CSMD3: variants seen among roughly 807,000 people sequenced by gnomAD.
CSMD3 encodes the protein CUB and sushi domain-containing protein 3.
A neutral mutation model predicts 435.2 loss-of-function variants in CSMD3; 177 were observed. That is an observed-to-expected ratio of 0.41 (90% confidence interval 0.36 to 0.46). The LOEUF (loss-of-function observed/expected upper bound fraction) is 0.46. Among genes scored for constraint, CSMD3 ranks in the 20% least tolerant of loss-of-function variants. The pLI is 0.34. For missense variants in CSMD3, 4,265 were observed against 4,504.6 expected, an observed-to-expected ratio of 0.95 and a Z score of 1.52; for synonymous variants, 1,656 against 1,520.5, an observed-to-expected ratio of 1.09 and a Z score of -2.07.
intron 61 of CSMD3, among the ~76,000 whole-genome samples, chr8:112,262,109 G>T (rs899773527): frequency 8.5e-5 from 13 of 152,082 alleles, no homozygotes; most frequent in African/African-American, 3.1e-4. Context: ...AGGTCATTTA[G>T]ATAGATTCTA....
intron 22 of CSMD3, among the ~76,000 whole-genome samples, chr8:112,611,212 C>T (rs1345784591): frequency 6.6e-6 from 1 of 152,166 alleles, no homozygotes; most frequent in Non-Finnish European, 1.5e-5. Flanking sequence ...CTTGACTTTA[C>T]ATCTGTGAAT....
intron 1 of CSMD3, among the ~76,000 whole-genome samples, chr8:113,372,489 TTA>T (rs1361844885): frequency 6.6e-6 from 1 of 152,166 alleles, no homozygotes; most frequent in Non-Finnish European, 1.5e-5. Flanking sequence ...CCTGAGTTTT[TTA>T]TGTCCTGATT....
intron 38 of CSMD3, among the ~76,000 whole-genome samples, chr8:112,377,060 A>G (rs1829012250): frequency 6.6e-6 from 1 of 152,062 alleles, no homozygotes; most frequent in African/African-American, 2.4e-5. Flanking sequence ...AATTTGGGAG[A>G]TGAATGTACA....
intron 9 of CSMD3, among the ~76,000 whole-genome samples, chr8:112,927,798 A>G (rs1001415330): frequency 5.3e-5 from 8 of 152,092 alleles, no homozygotes; most frequent in Non-Finnish European, 1.2e-4. Flanking sequence ...CCAAACCAAG[A>G]CTATGTCCGA....
At chr8:113,007,524 A>G (rs2086100649) in intron 6 of CSMD3, among the ~76,000 whole-genome samples, 1 of 151,952 alleles carries the variant, frequency 6.6e-6, no homozygotes, top group Non-Finnish European at 1.5e-5. Context: ...AAAGGTCTCA[A>G]AAGAAACAAA....
intron 5 of CSMD3, among the ~76,000 whole-genome samples, chr8:113,096,078 G>A (rs2090154395): frequency 6.6e-6 from 1 of 152,006 alleles, no homozygotes; most frequent in Non-Finnish European, 1.5e-5. Context: ...GGTAGAAACA[G>A]GAATAATTAC....
At chr8:113,118,924 G>A (rs560147068) in intron 4 of CSMD3, among the ~76,000 whole-genome samples, 1 of 152,202 alleles carries the variant, frequency 6.6e-6, no homozygotes, top group Non-Finnish European at 1.5e-5. Flanking sequence ...TAAATGACAG[G>A]TTCACTGCTT....
At chr8:112,780,299 A>C (rs2078351869) in intron 13 of CSMD3, among the ~76,000 whole-genome samples, 1 of 152,236 alleles carries the variant, frequency 6.6e-6, no homozygotes, top group African/African-American at 2.4e-5. Flanking sequence ...AGGAACTATA[A>C]GAGAAGTCAA....
At chr8:113,036,602 T>A (rs1379081717) in intron 5 of CSMD3, among the ~76,000 whole-genome samples, 1 of 152,074 alleles carries the variant, frequency 6.6e-6, no homozygotes, top group African/African-American at 2.4e-5. Context: ...CTGCTAAATC[T>A]AGAAAAGGTG....
chr8:113,253,836 T>C (rs577897971), intron 3 of CSMD3, among the ~76,000 whole-genome samples: 56 of 147,614 alleles, frequency 3.8e-4, no homozygotes, highest in Admixed American at 3.6e-3. Flanking sequence ...AGACTCCGTC[T>C]GAAAAAAAAA....
chr8:112,978,258 C>T (rs780307819), intron 6 of CSMD3, among the ~76,000 whole-genome samples: 6 of 152,054 alleles, frequency 3.9e-5, no homozygotes, highest in South Asian at 2.1e-4. Context: ...TGTCTGAGCA[C>T]GCCTACCTTT....
At chr8:112,697,217 C>T (rs1448289348) in intron 13 of CSMD3, among the ~76,000 whole-genome samples, 1 of 152,142 alleles carries the variant, frequency 6.6e-6, no homozygotes, top group Admixed American at 6.5e-5. Context: ...CCCAGCCATC[C>T]CATTACTGGG....
intron 16 of CSMD3, among the ~76,000 whole-genome samples, chr8:112,676,086 A>G (rs2075764336): frequency 1.3e-5 from 2 of 152,250 alleles, no homozygotes; most frequent in African/African-American, 4.8e-5. Flanking sequence ...TGACAACAGC[A>G]GGTTTAGAGT....
intron 4 of CSMD3, among the ~76,000 whole-genome samples, chr8:113,143,044 G>A (rs1231226233): frequency 1.3e-5 from 2 of 150,406 alleles, no homozygotes; most frequent in Non-Finnish European, 3.0e-5. Flanking sequence ...TACAGCCTGG[G>A]GAATATTTGC....
At chr8:112,393,628 C>A (rs1207837551) in intron 35 of CSMD3, among the ~76,000 whole-genome samples, 1 of 152,192 alleles carries the variant, frequency 6.6e-6, no homozygotes, top group African/African-American at 2.4e-5. Flanking sequence ...GCTACAGTGA[C>A]AAGCTATCTC....
At chr8:112,959,482 A>G (rs1231045423) in intron 7 of CSMD3, among the ~76,000 whole-genome samples, 1 of 151,930 alleles carries the variant, frequency 6.6e-6, no homozygotes, top group Non-Finnish European at 1.5e-5. Context: ...AAAAAGGAAA[A>G]TAAGTTCTTA....
At chr8:112,878,634 C>G (rs2081359340) in intron 10 of CSMD3, among the ~76,000 whole-genome samples, 1 of 152,136 alleles carries the variant, frequency 6.6e-6, no homozygotes, top group African/African-American at 2.4e-5. Context: ...TATTGCAGCA[C>G]TGTTTACAAC....
intron 6 of CSMD3, among the ~76,000 whole-genome samples, chr8:112,995,050 G>C (rs1314453882): frequency 2.6e-5 from 4 of 151,320 alleles, no homozygotes; most frequent in African/African-American, 9.7e-5. Context: ...TCTAGATTTA[G>C]AATTCCCAAG....
At chr8:112,360,059 G>T (rs577853602) in intron 38 of CSMD3, among the ~76,000 whole-genome samples, 1 of 151,902 alleles carries the variant, frequency 6.6e-6, no homozygotes, top group South Asian at 2.1e-4. Flanking sequence ...AGAAACTACC[G>T]AATACAAAAA....
Sources: gnomAD v4.1 joint callset for allele counts (sites outside exome capture counted in the v4.1 genomes callset) on GRCh38, gnomAD v4.1.1 for gene constraint, MANE v1.5 for transcripts, NCBI Gene and HGNC (gene_info 2026-07-23, HGNC 2026-07-21) for gene names.